LRP8: variants seen among roughly 807,000 people sequenced by gnomAD.
LRP8 encodes low-density lipoprotein receptor-related protein 8.
In LRP8, 46 loss-of-function variants were observed where a neutral mutation model predicts 111.6. The observed-to-expected ratio is 0.41, with a 90% CI of 0.33 to 0.53. The LOEUF is 0.53. LRP8 is among the 20% of genes least tolerant of loss of function. The pLI is 0.20. For missense variants in LRP8, 959 were observed against 1,297.4 expected (o/e 0.74, Z 4.01); for synonymous variants, 464 against 511.2 (o/e 0.91, Z 1.24).
At chr1:53,289,766 C>G (rs932954247) in intron 2 of LRP8, 77 bp from the exon 3 acceptor site, 9 of 1,577,986 alleles carry the variant, frequency 5.7e-6, no homozygotes, top group Admixed American at 1.7e-5. Context: ...TGTGCTTGGT[C>G]TGCAAACCAG....
At chr1:53,247,732 A>G (rs1645772032) in intron 18 of LRP8, among the ~76,000 whole-genome samples, 1 of 152,202 alleles carries the variant, frequency 6.6e-6, no homozygotes, top group African/African-American at 2.4e-5. Flanking sequence ...TTGTTTGTTT[A>G]TATCTTCTGA....
In LRP8 at chr1:53,256,780, T is replaced by C. The variant is rs548382008; in HGVS notation, c.2434+460A>G. Among the ~76,000 whole-genome samples, 83 of 152,304 alleles carry C rather than the reference T, an allele frequency of 5.4e-4. No individual in the cohort carries two copies. In the South Asian group the frequency reaches 0.012, roughly 23 times the overall value. On this transcript the variant is annotated intron_variant, in intron 15 of 18. Transcript: ENST00000306052. ...TATAAGGAGACCATGGTTGTAGATATTACTATCTGGGGACCTGCTGTGAAC... is the reference window on the plus strand; with the variant it reads ...TATAAGGAGACCATGGTTGTAGATACTACTATCTGGGGACCTGCTGTGAAC...
At chr1:53,264,632 G>C (rs1463963216) in intron 9 of LRP8, among the ~76,000 whole-genome samples, 1 of 152,176 alleles carries the variant, frequency 6.6e-6, no homozygotes, top group Non-Finnish European at 1.5e-5. Context: ...TGCCCATTAG[G>C]GTGAGCCAGA....
chr1:53,250,718 G>A lies in LRP8; in HGVS notation c.2648C>T (p.Thr883Ile), dbSNP rs201417497. 1.9e-6 allele frequency: 3 copies of A among 1,614,126 alleles called. No individual in the cohort carries two copies. Among genetic ancestry groups the A allele is most frequent in the Non-Finnish European group, 2.5e-6 (3 of 1,179,970 alleles). Residue 883 changes from threonine to isoleucine, a missense_variant, in exon 17 of 19, where the codon ACT (threonine) becomes ATT (isoleucine). Physicochemically the swap from Thr to Ile is moderately conservative, Grantham distance 89 (BLOSUM62 -1). Coordinates refer to ENST00000306052, the MANE Select transcript of LRP8 (RefSeq NM_004631.5). The surrounding 1 kb of genome is among the most constrained non-coding windows in gnomAD (Gnocchi z 4.6). ...EDEDELHIGR[T>I]AQIGHVYPAA... ...AGGATAGACATGGCCAATCTGAGCA[G>A]TTCTCCCTATATGGAGCTCATCTTC...
rs1203916907 is a variant in LRP8, at chr1:53,255,164, AT to A, written c.2455del (p.Met819TrpfsTer16). 6.2e-7 allele frequency: 1 copy of A among 1,613,718 alleles called. No individual in the cohort carries two copies. The highest frequency in any genetic ancestry group is 1.3e-5 in the African/African-American group (1 of 74,934). ...AACAGCGGCAGTGACTGTTGAGCCC[AT>A]CTTACTGTCTTCATTTGCATCTGCA... The part of the protein sequence containing the change: ...SQHYANEDSK[M>X]GSTVTAAVIG... On this transcript the variant is annotated frameshift_variant, in exon 16 of 19. Transcript: ENST00000306052. LOFTEE classifies it high-confidence loss of function.
intron 8 of LRP8, among the ~76,000 whole-genome samples, chr1:53,270,006 C>G (rs1217904522): frequency 6.6e-6 from 1 of 150,420 alleles, no homozygotes; most frequent in Non-Finnish European, 1.5e-5. Context: ...TGTGTGTAGT[C>G]TCTGTGTGGT....
At chr1:53,269,472 C>A (rs1201874162) in intron 8 of LRP8, among the ~76,000 whole-genome samples, 1 of 151,994 alleles carries the variant, frequency 6.6e-6, no homozygotes, top group East Asian at 1.9e-4. Flanking sequence ...TGGTACTATA[C>A]CTGGCTAGTT....
At chr1:53,280,059 C>T (rs891915613) in intron 4 of LRP8, among the ~76,000 whole-genome samples, 14 of 152,254 alleles carry the variant, frequency 9.2e-5, no homozygotes, top group African/African-American at 3.1e-4. Flanking sequence ...CTTCTCTGCC[C>T]TGTGACGTCT....
chr1:53,261,369 C>T (rs925205515), intron 12 of LRP8, among the ~76,000 whole-genome samples: 2 of 152,218 alleles, frequency 1.3e-5, no homozygotes, highest in African/African-American at 2.4e-5. Flanking sequence ...GGAGCTTTGC[C>T]CACAACTTCA....
At chr1:53,258,754 T>A (rs879483728) in intron 13 of LRP8, among the ~76,000 whole-genome samples, 13 of 151,874 alleles carry the variant, frequency 8.6e-5, no homozygotes, top group African/African-American at 1.5e-4. Flanking sequence ...TTTTTTTTTT[T>A]AAATCTCTAG....
At chr1:53,301,653 C>G (rs1650897920) in intron 2 of LRP8, among the ~76,000 whole-genome samples, 1 of 151,812 alleles carries the variant, frequency 6.6e-6, no homozygotes, top group South Asian at 2.1e-4. Flanking sequence ...CTGGCTTGAG[C>G]CCGGGAGGTT....
At chr1:53,306,343 CT>C (rs1291666186) in intron 2 of LRP8, among the ~76,000 whole-genome samples, 1 of 152,240 alleles carries the variant, frequency 6.6e-6, no homozygotes, top group Non-Finnish European at 1.5e-5. Context: ...AAGTGGGGCT[CT>C]GGTCTGTTCT....
chr1:53,298,751 C>T (rs1345343539), intron 2 of LRP8, among the ~76,000 whole-genome samples: 1 of 152,368 alleles, frequency 6.6e-6, no homozygotes, highest in South Asian at 2.1e-4. Context: ...CCCAGCCAGG[C>T]CCCCTGGGGC....
intron 5 of LRP8, 68 bp downstream of exon 5, chr1:53,276,624 G>T: frequency 7.6e-7 from 1 of 1,308,202 alleles, no homozygotes; most frequent in Non-Finnish European, 1.0e-6. Context: ...GCCTGCACCT[G>T]GCGGATCCGG....
chr1:53,249,300 G>C lies in LRP8; in HGVS notation c.2853+80C>G. ...ATTTGCAGCCTTCCCAAACCAGAAAGCCTTCTAGGATTGGCTGCGCCTGCC... is the reference window on the plus strand; with the variant it reads ...ATTTGCAGCCTTCCCAAACCAGAAACCCTTCTAGGATTGGCTGCGCCTGCC... On this transcript the variant is annotated intron_variant, in intron 18 of 18. Transcript: ENST00000306052. This position sits in a 1 kb window ranked among gnomAD's most constrained non-coding sequence, Gnocchi z 4.1. The C allele has an allele frequency of 6.8e-7, 1 of 1,480,740 alleles. No homozygotes were observed. The highest frequency in any genetic ancestry group is 9.1e-7 in the Non-Finnish European group (1 of 1,093,396). The allele number at this position is 1,480,740 out of a possible 1,614,324, so 91.7% of individuals were successfully genotyped here. A position where few individuals can be genotyped will look rare whatever the true frequency, so the allele number is the denominator to read the frequency against.
intron 2 of LRP8, among the ~76,000 whole-genome samples, chr1:53,314,648 A>G (rs1014983760): frequency 5.3e-5 from 8 of 152,206 alleles, no homozygotes; most frequent in Non-Finnish European, 8.8e-5. Flanking sequence ...AGAGCAGTCC[A>G]GGGGCGGGGA....
rs1334675152 is a variant in LRP8 at position 53,243,053 on chromosome 1, TAC to T, written c.*3963_*3964del. 6.6e-6 allele frequency: 1 copy of T among 152,112 alleles called. No individual in the cohort carries two copies. The highest frequency in any genetic ancestry group is 1.5e-5 in the Non-Finnish European group (1 of 68,018). The allele number at this position is 152,112 out of a possible 1,614,324, so 9.4% of individuals were successfully genotyped here. A position where few individuals can be genotyped will look rare whatever the true frequency, so the allele number is the denominator to read the frequency against. ...TTCTAAATTCTCCATACCCTAAAAATACAGTGTGAGAAGTCTGTTACTCTATC... is the reference window on the plus strand; with the variant it reads ...TTCTAAATTCTCCATACCCTAAAAATAGTGTGAGAAGTCTGTTACTCTATC... On this transcript the variant is annotated 3_prime_UTR_variant, in exon 19 of 19. Transcript: ENST00000306052.
chr1:53,299,290 C>T (rs1650354956), intron 2 of LRP8, among the ~76,000 whole-genome samples: 1 of 152,200 alleles, frequency 6.6e-6, no homozygotes, highest in Non-Finnish European at 1.5e-5. Flanking sequence ...GTCGCTGCAG[C>T]ACCCTCTCCT....
At chr1:53,301,280 G>A (rs756199471) in intron 2 of LRP8, among the ~76,000 whole-genome samples, 10 of 152,174 alleles carry the variant, frequency 6.6e-5, no homozygotes, top group Non-Finnish European at 1.3e-4. Context: ...TAGCAGACTG[G>A]CCCTGGGTCC....
Sources: allele counts gnomAD v4.1 joint callset (sites outside exome capture counted in the v4.1 genomes callset), GRCh38; gene constraint gnomAD v4.1.1; non-coding constraint Gnocchi (gnomAD v3.1); transcripts MANE v1.5; gene names NCBI Gene and HGNC (gene_info 2026-07-23, HGNC 2026-07-21).